Variants in L3MBTL1 observed in about 807,000 individuals in gnomAD.
The protein encoded by L3MBTL1 is L3MBTL histone methyl-lysine binding protein 1.
Under a neutral mutation model 105.3 loss-of-function variants are expected in L3MBTL1, and 75 were observed. The ratio of observed to expected loss-of-function variants is 0.71; its 90% CI spans 0.59 to 0.86. The LOEUF is 0.86. L3MBTL1 is among the 40% of genes least tolerant of loss of function. L3MBTL1 has a pLI of 0.00. For synonymous variants in L3MBTL1, 452 were observed against 436.2 expected, an observed-to-expected ratio of 1.04 and a Z score of -0.45; for missense variants, 1,069 against 1,126.4, an observed-to-expected ratio of 0.95 and a Z score of 0.73.
chr20:43,543,927 T>C (rs557761998), downstream of L3MBTL1, among the ~76,000 whole-genome samples: 1 of 152,226 alleles, frequency 6.6e-6, no homozygotes, highest in Non-Finnish European at 1.5e-5. Flanking sequence ...TGCCTGGCCT[T>C]GTATAAGGTG....
chr20:43,534,430 G>A, intron 15 of L3MBTL1, 36 bp downstream of exon 15: 2 of 1,546,940 alleles, frequency 1.3e-6, no homozygotes, highest in Non-Finnish European at 8.9e-7. Context: ...AAGTGGACAG[G>A]CCAGTTGGGC....
chr20:43,536,709 G>A (rs1390978026), intron 19 of L3MBTL1, among the ~76,000 whole-genome samples: 4 of 152,142 alleles, frequency 2.6e-5, no homozygotes, highest in African/African-American at 4.8e-5. Context: ...AGAGCTTCTC[G>A]GGGCCTTTGG....
intron 7 of L3MBTL1, among the ~76,000 whole-genome samples, chr20:43,522,957 A>C (rs1231404204): frequency 1.3e-5 from 2 of 151,528 alleles, no homozygotes; most frequent in Non-Finnish European, 2.9e-5. Flanking sequence ...CAAAAAAAAA[A>C]ATTAGCTGGG....
rs117283732 is a variant in L3MBTL1 at position 43,547,610 on chromosome 20, C to G, written c.2125-501C>G. ...GTGTCTCTCTGTCTCCCCCTGCCCC[C>G]CTCTGCTTTTGGCAAGACTAGTTCC... On this transcript the variant is annotated intron_variant, in intron 18 of 18. Transcript: ENST00000422861. Among the ~76,000 whole-genome samples the G allele has an allele frequency of 3.4e-3, 518 of 152,220 alleles. 10 individuals are homozygous for G. Among genetic ancestry groups the G allele is most frequent in the East Asian group, 0.03 (157 of 5,164 alleles).
Position 43,534,331 on chromosome 20 carries a change from C to A in L3MBTL1, c.1647C>A (p.Asp549Glu). The change falls in exon 15 of 22, where the codon GAC becomes GAA. Residue 549 changes from aspartate to glutamate, a missense_variant. Physicochemically the swap from Asp to Glu is conservative, Grantham distance 45 (BLOSUM62 2). Transcript: ENST00000418998. ...TCAATATGAAGCTGGAGGCTGTGGACCGCAGGAACCCAGCCCTGATTCGCG... is the reference window on the plus strand; with the variant it reads ...TCAATATGAAGCTGGAGGCTGTGGAACGCAGGAACCCAGCCCTGATTCGCG... ...FLVNMKLEAV[D>E]RRNPALIRVA... is the part of the protein sequence containing the mutation. 1 of 1,614,126 alleles carries A rather than the reference C, an allele frequency of 6.2e-7. No homozygotes were observed. The highest frequency in any genetic ancestry group is 1.1e-5 in the South Asian group (1 of 91,076).
intron 7 of L3MBTL1, among the ~76,000 whole-genome samples, chr20:43,527,988 G>T (rs953781299): frequency 3.3e-5 from 5 of 151,632 alleles, no homozygotes; most frequent in Non-Finnish European, 7.4e-5. Context: ...TGCCTCCCAG[G>T]TTCAAGCAAT....
intron 19 of L3MBTL1, chr20:43,539,822 A>G: frequency 1.2e-5 from 5 of 401,078 alleles, no homozygotes; most frequent in South Asian, 9.7e-5. Context: ...GTTGGCATCT[A>G]GAAAATTATG....
intron 7 of L3MBTL1, among the ~76,000 whole-genome samples, chr20:43,519,295 C>G (rs776974318): frequency 2.7e-5 from 4 of 149,138 alleles, no homozygotes; most frequent in Non-Finnish European, 5.9e-5. Context: ...TGAGAGTGCA[C>G]CACTGCACTC....
intron 7 of L3MBTL1, among the ~76,000 whole-genome samples, chr20:43,526,689 G>A (rs892262642): frequency 6.6e-6 from 1 of 152,234 alleles, no homozygotes; most frequent in Non-Finnish European, 1.5e-5. Flanking sequence ...GCCGAGTGCG[G>A]TGGTTCATGC....
At chr20:43,537,010 A>C (rs2019666103) in intron 19 of L3MBTL1, among the ~76,000 whole-genome samples, 1 of 152,212 alleles carries the variant, frequency 6.6e-6, no homozygotes, top group South Asian at 2.1e-4. Context: ...TCTAACATGT[A>C]TATTGTTCTT....
chr20:43,516,895 G>A (rs2018422768), intron 7 of L3MBTL1, among the ~76,000 whole-genome samples: 1 of 152,076 alleles, frequency 6.6e-6, no homozygotes, highest in Admixed American at 6.6e-5. Context: ...CTAGGCTCAA[G>A]CAGTCTTCCA....
chr20:43,546,420 CCTGT>C (rs1305132821), downstream of L3MBTL1, among the ~76,000 whole-genome samples: 59 of 152,188 alleles, frequency 3.9e-4, no homozygotes, highest in African/African-American at 1.4e-3. Context: ...AATTCTGTAG[CCTGT>C]CTGCCTTGGT....
Position 43,540,252 on chromosome 20 carries a change from C to T in L3MBTL1, c.2275C>T (p.Leu759=). ...SVCWEQHCKL[L]PGVAGISAST... ...GTGCTGGGAGCAGCACTGCAAGCTC[C>T]TGCCAGGAGTAGCGGGCATCTCAGC... The change falls in exon 20 of 22, where the codon CTG becomes TTG. Residue 759 remains leucine (L), a synonymous_variant. Coordinates refer to ENST00000418998, the MANE Select transcript of L3MBTL1 (RefSeq NM_001377303.1). 6.2e-7 allele frequency: 1 copy of T among 1,613,900 alleles called. No individual in the cohort carries two copies. Among genetic ancestry groups the T allele is most frequent in the Non-Finnish European group, 8.5e-7 (1 of 1,180,030 alleles).
intron 1 of L3MBTL1, among the ~76,000 whole-genome samples, chr20:43,508,498 C>G (rs1479572603): frequency 6.6e-6 from 1 of 152,266 alleles, no homozygotes; most frequent in Non-Finnish European, 1.5e-5. Flanking sequence ...ACTCCCCACC[C>G]AACACCTATA....
In L3MBTL1 at chr20:43,514,709, A is replaced by T; in HGVS notation, c.435A>T (p.Glu145Asp). The T allele has an allele frequency of 6.3e-7, 1 of 1,582,312 alleles. No individual in the cohort carries two copies. Among genetic ancestry groups the T allele is most frequent in the Non-Finnish European group, 8.6e-7 (1 of 1,164,500 alleles). ...EQPPSPELRQ[E>D]GVTEYEDGGA... Reference sequence around the variant, plus strand: ...CCCCGAGCCCCGAGCTGCGGCAGGAAGGCGTGACCGAATACGAAGATGGCG... The same window carrying T: ...CCCCGAGCCCCGAGCTGCGGCAGGATGGCGTGACCGAATACGAAGATGGCG... The change falls in exon 4 of 22, where the codon GAA becomes GAT. Residue 145 changes from glutamate to aspartate, a missense_variant. Coordinates refer to ENST00000418998, the MANE Select transcript of L3MBTL1 (RefSeq NM_001377303.1).
rs774592979 is a variant in L3MBTL1 at position 43,540,723 on chromosome 20, C to T, written c.2332-30C>T. The T allele has an allele frequency of 1.6e-5, 26 of 1,612,200 alleles. No individual in the cohort carries two copies. In the African/African-American group the frequency reaches 3.2e-4, roughly 20 times the overall value. On this transcript the variant is annotated intron_variant, in intron 20 of 21. Coordinates refer to ENST00000418998, the MANE Select transcript of L3MBTL1 (RefSeq NM_001377303.1). ...TCCCTACATGCCTAAGCTCTGTCCC[C>T]TGGTCAACATGTCATCTTTGGTTTC...
At chr20:43,540,429 A>T in intron 20 of L3MBTL1, 121 bp downstream of exon 20, 1 of 1,157,004 alleles carries the variant, frequency 8.6e-7, no homozygotes, top group Non-Finnish European at 1.2e-6. Context: ...CCTCTTGCTC[A>T]TCTGTCCTGT....
At chr20:43,514,423 A>G in intron 3 of L3MBTL1, 1 of 1,457,186 alleles carries the variant, frequency 6.9e-7, no homozygotes, top group Non-Finnish European at 9.1e-7. Flanking sequence ...AGAGTGGGGC[A>G]CCCTGGGACT....
intron 12 of L3MBTL1, among the ~76,000 whole-genome samples, 178 bp downstream of exon 12, chr20:43,533,102 T>G (rs1219537615): frequency 6.6e-6 from 1 of 152,212 alleles, no homozygotes; most frequent in African/African-American, 2.4e-5. Flanking sequence ...ATATTAAATG[T>G]TTCATCTAAA....
Sources: gnomAD v4.1 joint callset for allele counts (sites outside exome capture counted in the v4.1 genomes callset) on GRCh38, gnomAD v4.1.1 for gene constraint, MANE v1.5 for transcripts, NCBI Gene and HGNC (gene_info 2026-07-23, HGNC 2026-07-21) for gene names.